The following RASSF3 variants were observed in gnomAD, a reference collection of about 807,000 sequenced individuals.
The protein encoded by RASSF3 is Ras association domain family member 3, also known as ras association domain-containing protein 3.
A neutral mutation model predicts 19.9 loss-of-function variants in RASSF3; 19 were observed. That is an observed-to-expected ratio of 0.96 (90% CI 0.67 to 1.40). RASSF3 has a LOEUF of 1.40. Ranked by LOEUF, RASSF3 falls within the 40% of genes most tolerant of loss-of-function variation. The probability of loss-of-function intolerance (pLI) is 0.00; values close to 1 mark genes in which losing one functional copy is unlikely to be tolerated. For synonymous variants in RASSF3, 110 were observed against 104.2 expected, an observed-to-expected ratio of 1.06 and a Z score of -0.34; for missense variants, 306 against 289.8, an observed-to-expected ratio of 1.06 and a Z score of -0.41.
chr12:64,692,708 T>C (rs1277734111), intron 4 of RASSF3, among the ~76,000 whole-genome samples: 1 of 152,174 alleles, frequency 6.6e-6, no homozygotes, highest in Non-Finnish European at 1.5e-5. Context: ...TAGAACTACA[T>C]TGGGCAAGAA....
chr12:64,577,310 A>C (rs947516556), intron 2 of RASSF3, among the ~76,000 whole-genome samples: 2 of 152,236 alleles, frequency 1.3e-5, no homozygotes, highest in African/African-American at 4.8e-5. Context: ...TGAGGCTGGG[A>C]GAAATTCCAC....
chr12:64,543,421 G>GCCTGCCCGCCCCCCC (rs1565836074), downstream of RASSF3, among the ~76,000 whole-genome samples: 7 of 55,876 alleles, frequency 1.3e-4, no homozygotes, highest in Admixed American at 1.8e-4. Flanking sequence ...CCCGCCCCCC[G>GCCTGCCCGCCCCCCC]GCTCCCCGCC....
Position 64,685,599 on chromosome 12 carries a change from A to G in RASSF3, c.219+705A>G, listed in dbSNP as rs552961354. On this transcript the variant is annotated intron_variant, in intron 2 of 4. Coordinates refer to ENST00000542104, the MANE Select transcript of RASSF3 (RefSeq NM_178169.4). ...CAGGGAAAGGATTTTGAGCCCATGG[A>G]TTGGAATATAGAGGTATATAATAGG... is the stretch of plus-strand genomic sequence containing the variant. Among the ~76,000 whole-genome samples, 14 of 152,232 alleles carry G rather than the reference A, an allele frequency of 9.2e-5. No individual in the cohort carries two copies. The East Asian group carries it at 2.5e-3, about 27-fold the overall frequency.
intron 1 of RASSF3, among the ~76,000 whole-genome samples, chr12:64,534,678 G>C (rs1187569338): frequency 1.3e-5 from 2 of 152,136 alleles, no homozygotes; most frequent in Non-Finnish European, 2.9e-5. Flanking sequence ...GAGAGAAAGA[G>C]AGAATAGAGA....
intron 1 of RASSF3, among the ~76,000 whole-genome samples, chr12:64,650,372 A>G (rs1342831641): frequency 7.2e-6 from 1 of 139,504 alleles, no homozygotes; most frequent in African/African-American, 2.7e-5. Flanking sequence ...CCTCAGTGAT[A>G]GTTGTCCTCA....
At chr12:64,507,339 C>T (rs1200589785) in intron 1 of RASSF3, 1 of 398,468 alleles carries the variant, frequency 2.5e-6, no homozygotes, top group African/African-American at 2.1e-5. Context: ...GGTAAGTTAC[C>T]TCAGGCTAAT....
intron 1 of RASSF3, among the ~76,000 whole-genome samples, chr12:64,514,957 C>G (rs1868352381): frequency 6.6e-6 from 1 of 151,740 alleles, no homozygotes; most frequent in African/African-American, 2.4e-5. Flanking sequence ...TTTTCTTTAT[C>G]TCTAATTCTT....
intron 2 of RASSF3, among the ~76,000 whole-genome samples, chr12:64,595,659 C>A (rs927863732): frequency 3.9e-5 from 6 of 152,152 alleles, no homozygotes; most frequent in Non-Finnish European, 8.8e-5. Context: ...AAAGTTTCTT[C>A]TTCTACACTA....
In RASSF3 at chr12:64,695,035, T is replaced by A; in HGVS notation, c.*123T>A. The A allele has an allele frequency of 9.3e-7, 1 of 1,075,518 alleles. No homozygotes were observed. The highest frequency in any genetic ancestry group is 1.6e-5 in the African/African-American group (1 of 62,414). 66.6% of individuals were successfully genotyped at this position (1,075,518 alleles called of 1,614,324 possible). A position where few individuals can be genotyped will look rare whatever the true frequency, so the allele number is the denominator to read the frequency against. The stretch of plus-strand genomic sequence containing the variant: ...GCTAGGGTCTTCGCCTTTCTATCTG[T>A]AGATTTTGTTCCCCAAACCTGGTCA... On this transcript the variant is annotated 3_prime_UTR_variant, in exon 5 of 5. Transcript: ENST00000542104.
intron 2 of RASSF3, among the ~76,000 whole-genome samples, chr12:64,556,744 T>A (rs1350634064): frequency 6.6e-6 from 1 of 151,952 alleles, no homozygotes; most frequent in Non-Finnish European, 1.5e-5. Flanking sequence ...CAGCTCCTCT[T>A]CTCTTCCCGA....
chr12:64,630,478 G>A (rs907076344), intron 1 of RASSF3, among the ~76,000 whole-genome samples: 1 of 152,128 alleles, frequency 6.6e-6, no homozygotes, highest in African/African-American at 2.4e-5. Flanking sequence ...GTGAGCTATG[G>A]TCACACCACT....
intron 1 of RASSF3, among the ~76,000 whole-genome samples, chr12:64,655,467 T>A (rs1465534778): frequency 2.6e-5 from 4 of 152,084 alleles, no homozygotes; most frequent in Non-Finnish European, 5.9e-5. Flanking sequence ...AACATACATA[T>A]ATATTTTTTT....
chr12:64,687,359 G>A (rs1873397883), intron 2 of RASSF3, among the ~76,000 whole-genome samples: 1 of 152,008 alleles, frequency 6.6e-6, no homozygotes, highest in South Asian at 2.1e-4. Flanking sequence ...TGTTATTACT[G>A]TTTTTGGCAA....
intron 1 of RASSF3, among the ~76,000 whole-genome samples, chr12:64,666,081 T>C (rs1325237522): frequency 3.3e-5 from 5 of 152,272 alleles, no homozygotes; most frequent in Non-Finnish European, 4.4e-5. Flanking sequence ...TTATGTTAAA[T>C]GATCACTTTT....
At chr12:64,559,216 T>C (rs894726743) in intron 2 of RASSF3, among the ~76,000 whole-genome samples, 1 of 151,824 alleles carries the variant, frequency 6.6e-6, no homozygotes, top group African/African-American at 2.4e-5. Context: ...CTCTGGGTCC[T>C]GTGGGTCCAT....
intron 2 of RASSF3, among the ~76,000 whole-genome samples, chr12:64,578,524 T>C (rs967747290): frequency 1.3e-5 from 2 of 152,142 alleles, no homozygotes; most frequent in Non-Finnish European, 1.5e-5. Flanking sequence ...TCAGGCATGA[T>C]AGGGCAAGCC....
downstream of RASSF3, among the ~76,000 whole-genome samples, chr12:64,543,855 C>A (rs1381113825): frequency 2.0e-5 from 3 of 151,914 alleles, no homozygotes; most frequent in Admixed American, 2.0e-4. Context: ...TGTAAATACA[C>A]CAATCAGCAC....
intron 1 of RASSF3, among the ~76,000 whole-genome samples, chr12:64,666,392 G>A (rs1220997976): frequency 2.0e-5 from 3 of 152,062 alleles, no homozygotes; most frequent in Non-Finnish European, 4.4e-5. Flanking sequence ...CTACTGAGGA[G>A]TTCAGAGTGG....
chr12:64,523,343 T>C (rs745380512), intron 1 of RASSF3, among the ~76,000 whole-genome samples: 7 of 151,858 alleles, frequency 4.6e-5, no homozygotes, highest in East Asian at 1.9e-4. Flanking sequence ...GAGGTAGAGG[T>C]TGCAGTGAGC....
Sources: gnomAD v4.1 joint callset for allele counts (sites outside exome capture counted in the v4.1 genomes callset) on GRCh38, gnomAD v4.1.1 for gene constraint, MANE v1.5 for transcripts, NCBI Gene and HGNC (gene_info 2026-07-23, HGNC 2026-07-21) for gene names.